Variants in CSMD3 observed in about 807,000 individuals in gnomAD.
CSMD3 encodes the protein CUB and sushi domain-containing protein 3.
CSMD3 carries 177 observed loss-of-function variants against 435.2 expected under a neutral mutation model. The observed-to-expected ratio is 0.41, with a 90% CI of 0.36 to 0.46. CSMD3 has a LOEUF of 0.46. Among genes scored for constraint, CSMD3 ranks in the 20% least tolerant of loss-of-function variants. The pLI, the probability that CSMD3 is intolerant of heterozygous loss-of-function variation, is 0.34. For synonymous variants in CSMD3, 1,656 were observed against 1,520.5 expected, an observed-to-expected ratio of 1.09 and a Z score of -2.07; for missense variants, 4,265 against 4,504.6, an observed-to-expected ratio of 0.95 and a Z score of 1.52.
chr8:112,721,480 G>A (rs2076856705), intron 13 of CSMD3, among the ~76,000 whole-genome samples: 1 of 152,240 alleles, frequency 6.6e-6, no homozygotes, highest in South Asian at 2.1e-4. Flanking sequence ...GGAGGCTGAG[G>A]CATGAGAATC....
chr8:113,073,764 TA>T (rs2131416594), intron 5 of CSMD3, among the ~76,000 whole-genome samples: 1 of 151,892 alleles, frequency 6.6e-6, no homozygotes, highest in East Asian at 1.9e-4. Context: ...ATAATGGGCA[TA>T]TATAGGACCT....
chr8:112,672,795 T>C (rs775106067), intron 16 of CSMD3, among the ~76,000 whole-genome samples: 1 of 152,164 alleles, frequency 6.6e-6, no homozygotes, highest in Non-Finnish European at 1.5e-5. Flanking sequence ...GTTTGAGTGC[T>C]GGCTCAATTT....
At chr8:113,143,304 A>G (rs1240265354) in intron 4 of CSMD3, among the ~76,000 whole-genome samples, 1 of 151,380 alleles carries the variant, frequency 6.6e-6, no homozygotes, top group Admixed American at 6.6e-5. Flanking sequence ...GCTAAAATAA[A>G]AAAACAGTAA....
At chr8:112,341,924 AT>A (rs1330263609) in intron 41 of CSMD3, among the ~76,000 whole-genome samples, 5 of 152,130 alleles carry the variant, frequency 3.3e-5, no homozygotes, top group Admixed American at 1.3e-4. Context: ...AAAACATTTC[AT>A]TTCATTATAA....
At chr8:112,345,808 G>T (rs927169478) in intron 41 of CSMD3, among the ~76,000 whole-genome samples, 1 of 151,526 alleles carries the variant, frequency 6.6e-6, no homozygotes, top group Non-Finnish European at 1.5e-5. Flanking sequence ...ACATCATGTT[G>T]TACATGATAA....
At chr8:113,203,734 C>T (rs1199455648) in intron 3 of CSMD3, among the ~76,000 whole-genome samples, 1 of 151,994 alleles carries the variant, frequency 6.6e-6, no homozygotes, top group African/African-American at 2.4e-5. Context: ...TTTTTTATTC[C>T]AATGGTAGTT....
At chr8:113,118,215 C>T (rs2090892251) in intron 4 of CSMD3, among the ~76,000 whole-genome samples, 1 of 152,092 alleles carries the variant, frequency 6.6e-6, no homozygotes, top group Non-Finnish European at 1.5e-5. Flanking sequence ...ATATAAATGC[C>T]ATCAACTCTT....
intron 3 of CSMD3, among the ~76,000 whole-genome samples, chr8:113,255,805 C>T (rs2093375059): frequency 2.0e-5 from 3 of 151,470 alleles, no homozygotes; most frequent in Admixed American, 2.0e-4. Context: ...AGTGTATTTC[C>T]TATAATATTT....
intron 1 of CSMD3, among the ~76,000 whole-genome samples, chr8:113,384,491 C>A (rs954887899): frequency 1.3e-5 from 2 of 152,064 alleles, no homozygotes; most frequent in African/African-American, 2.4e-5. Context: ...ACTGAGGTGT[C>A]AGATAGGAAA....
chr8:113,249,096 T>A (rs574041061), intron 3 of CSMD3, among the ~76,000 whole-genome samples: 1 of 151,976 alleles, frequency 6.6e-6, no homozygotes, highest in South Asian at 2.1e-4. Flanking sequence ...TCTCACAAGA[T>A]CTAATGGTCT....
At position 112,629,250 on chromosome 8, in the gene CSMD3, G is replaced by T. The variant is rs577384208; in HGVS notation, c.3715+7567C>A. ...AGCATCTTGCTCTGTTGCCCAGGCT[G>T]GAGTGTGGTGGCACCATCACAGCTC... On this transcript the variant is annotated intron_variant, in intron 22 of 70. Transcript: ENST00000297405. 2.4e-4 allele frequency among the ~76,000 whole-genome samples: 37 copies of T among 152,090 alleles called. 1 individual carries two copies. The highest frequency in any genetic ancestry group is 2.4e-3 in the Admixed American group (37 of 15,260).
chr8:112,793,169 A>T (rs758521222), intron 13 of CSMD3, among the ~76,000 whole-genome samples: 7 of 147,460 alleles, frequency 4.7e-5, no homozygotes, highest in Non-Finnish European at 7.5e-5. Context: ...TATATTAATT[A>T]AATATATTAA....
intron 17 of CSMD3, among the ~76,000 whole-genome samples, chr8:112,663,370 GCAAA>G (rs2075435359): frequency 2.0e-5 from 3 of 151,296 alleles, no homozygotes; most frequent in African/African-American, 7.3e-5. Flanking sequence ...ACCATTCTCA[GCAAA>G]CTATCGCGAG....
intron 3 of CSMD3, among the ~76,000 whole-genome samples, chr8:113,195,841 C>CA (rs1564414471): frequency 7.0e-4 from 86 of 122,832 alleles, no homozygotes; most frequent in South Asian, 3.9e-3. Flanking sequence ...ACACACACAC[C>CA]CCCACACACA....
At chr8:112,771,832 T>C (rs575424854) in intron 13 of CSMD3, among the ~76,000 whole-genome samples, 3 of 151,392 alleles carry the variant, frequency 2.0e-5, no homozygotes, top group Non-Finnish European at 3.0e-5. Flanking sequence ...TGAATAGGAA[T>C]AGAAAAAAGT....
intron 30 of CSMD3, among the ~76,000 whole-genome samples, chr8:112,498,682 T>C (rs750903990): frequency 2.0e-5 from 3 of 152,168 alleles, no homozygotes; most frequent in Non-Finnish European, 4.4e-5. Flanking sequence ...AACCTCACTT[T>C]ATCTCTACAG....
At chr8:112,898,663 A>AAT (rs1001445093) in intron 10 of CSMD3, among the ~76,000 whole-genome samples, 1 of 151,282 alleles carries the variant, frequency 6.6e-6, no homozygotes, top group Non-Finnish European at 1.5e-5. Flanking sequence ...AAACATAACA[A>AAT]ATATATATAT....
intron 38 of CSMD3, among the ~76,000 whole-genome samples, chr8:112,356,890 T>C (rs1019185919): frequency 9.9e-5 from 15 of 152,246 alleles, no homozygotes; most frequent in Admixed American, 5.2e-4. Context: ...CCTCTTTCTT[T>C]TGTAAATTGC....
At chr8:113,203,283 T>C (rs2092733483) in intron 3 of CSMD3, among the ~76,000 whole-genome samples, 1 of 152,106 alleles carries the variant, frequency 6.6e-6, no homozygotes, top group Non-Finnish European at 1.5e-5. Flanking sequence ...AATGTGTTTT[T>C]ATAATTATCT....
Sources: gnomAD v4.1 joint callset for allele counts (sites outside exome capture counted in the v4.1 genomes callset) on GRCh38, gnomAD v4.1.1 for gene constraint, MANE v1.5 for transcripts, NCBI Gene and HGNC (gene_info 2026-07-23, HGNC 2026-07-21) for gene names.